Variants in ACTR3B observed in about 807,000 individuals in gnomAD.
ACTR3B encodes the protein actin-related protein 3B.
Under a neutral mutation model 59.0 loss-of-function variants are expected in ACTR3B, and 8 were observed. The ratio of observed to expected loss-of-function variants is 0.14; its 90% CI spans 0.08 to 0.24. The LOEUF (loss-of-function observed/expected upper bound fraction) is 0.24. Ranked by LOEUF, ACTR3B falls within the 10% of genes least tolerant of loss-of-function variation. The pLI, the probability that ACTR3B is intolerant of heterozygous loss-of-function variation, is 1.00. For synonymous variants in ACTR3B, 148 were observed against 197.9 expected (o/e 0.75, Z 2.12); for missense variants, 245 against 552.3 (o/e 0.44, Z 5.58).
chr7:152,839,189 G>A (rs1008325744), intron 9 of ACTR3B, among the ~76,000 whole-genome samples: 4 of 146,440 alleles, frequency 2.7e-5, no homozygotes, highest in Non-Finnish European at 5.9e-5. Context: ...GGTGGGGTCC[G>A]AATTCTGTGT....
rs185976110 is a variant in ACTR3B, at chr7:152,829,091, T to C, written c.951+3969T>C. Among the ~76,000 whole-genome samples, 1,512 of 151,998 alleles carry C rather than the reference T, an allele frequency of 9.9e-3. 13 individuals carry two copies. The highest frequency in any genetic ancestry group is 0.015 in the Non-Finnish European group (988 of 67,994). On this transcript the variant is annotated intron_variant, in intron 9 of 11. Transcript: ENST00000256001. ...ACACACACATCAAGAGCAGGAAAAT[T>C]GTGCATATTTAAGGTGCACAGTGTG... is the stretch of plus-strand genomic sequence containing the variant.
intron 9 of ACTR3B, among the ~76,000 whole-genome samples, chr7:152,844,300 C>T (rs1405133499): frequency 1.1e-4 from 16 of 152,066 alleles, no homozygotes; most frequent in African/African-American, 2.9e-4. Flanking sequence ...TCAGGTGATC[C>T]GCCTGCCTCG....
At chr7:152,773,231 CTA>C (rs1269820528) in intron 1 of ACTR3B, among the ~76,000 whole-genome samples, 6 of 150,762 alleles carry the variant, frequency 4.0e-5, no homozygotes, top group Non-Finnish European at 8.9e-5. Flanking sequence ...TAAACAAAAA[CTA>C]TGGTAGTTAC....
intron 9 of ACTR3B, among the ~76,000 whole-genome samples, chr7:152,831,319 G>A (rs1797009256): frequency 1.3e-5 from 2 of 152,320 alleles, no homozygotes; most frequent in South Asian, 2.1e-4. Flanking sequence ...CCTGCAGAGC[G>A]CCAGGTCCCA....
intron 1 of ACTR3B, among the ~76,000 whole-genome samples, chr7:152,767,037 C>G (rs1431423452): frequency 6.6e-6 from 1 of 150,944 alleles, no homozygotes; most frequent in Non-Finnish European, 1.5e-5. Context: ...ATCCACCTGC[C>G]TCGGCCTCCC....
Position 152,799,993 on chromosome 7 carries a change from T to G in ACTR3B, c.101-538T>G, listed in dbSNP as rs2098229683. Among the ~76,000 whole-genome samples the G allele has an allele frequency of 3.3e-5, 5 of 152,246 alleles. No homozygotes were observed. In the South Asian group the frequency reaches 1.0e-3, roughly 31 times the overall value. Reference sequence around the variant, plus strand: ...ATAGTTATTTGATTATGGTACTTTTTTTGGCTACAGATATTAACCAATAAC... The same window carrying G: ...ATAGTTATTTGATTATGGTACTTTTGTTGGCTACAGATATTAACCAATAAC... On this transcript the variant is annotated intron_variant, in intron 2 of 11. Transcript: ENST00000256001.
chr7:152,835,671 G>A (rs374479789), intron 9 of ACTR3B, among the ~76,000 whole-genome samples: 131 of 151,776 alleles, frequency 8.6e-4, no homozygotes, highest in Non-Finnish European at 1.3e-3. Flanking sequence ...AATAAATGCC[G>A]TCTTCTAGTG....
At chr7:152,826,117 C>T (rs941219566) in intron 9 of ACTR3B, among the ~76,000 whole-genome samples, 2 of 152,158 alleles carry the variant, frequency 1.3e-5, no homozygotes, top group Non-Finnish European at 2.9e-5. Flanking sequence ...TCAGGCTCAA[C>T]TGACAGCACT....
chr7:152,795,295 A>C (rs2462102), intron 2 of ACTR3B, among the ~76,000 whole-genome samples: 2 of 152,050 alleles, frequency 1.3e-5, no homozygotes, highest in African/African-American at 2.4e-5. Context: ...GATCTGCCCA[A>C]CTTGGCCTCC....
intron 9 of ACTR3B, among the ~76,000 whole-genome samples, chr7:152,836,467 G>T (rs1283224520): frequency 6.6e-6 from 1 of 152,006 alleles, no homozygotes; most frequent in Non-Finnish European, 1.5e-5. Context: ...CGCACCTGTG[G>T]TCCCAGCTAC....
At chr7:152,843,417 T>C (rs1165202974) in intron 9 of ACTR3B, among the ~76,000 whole-genome samples, 3 of 152,252 alleles carry the variant, frequency 2.0e-5, no homozygotes, top group Non-Finnish European at 2.9e-5. Flanking sequence ...TATCAATTAT[T>C]CCCACATCAT....
intron 5 of ACTR3B, among the ~76,000 whole-genome samples, chr7:152,815,088 T>C (rs1029034160): frequency 2.0e-5 from 3 of 151,782 alleles, no homozygotes; most frequent in Admixed American, 6.6e-5. Context: ...GCTGCGGTTC[T>C]TGGTGTGATA....
chr7:152,797,956 T>C (rs903134404), intron 2 of ACTR3B, among the ~76,000 whole-genome samples: 3 of 152,210 alleles, frequency 2.0e-5, no homozygotes, highest in South Asian at 2.1e-4. Flanking sequence ...CGTAGGTTGA[T>C]TCCAGATCTT....
chr7:152,821,181 G>A (rs1008275491), intron 7 of ACTR3B, among the ~76,000 whole-genome samples: 3 of 152,056 alleles, frequency 2.0e-5, no homozygotes, highest in Non-Finnish European at 4.4e-5. Context: ...CCATCTCAGG[G>A]GAAGGTTTCC....
In ACTR3B at chr7:152,854,494, T is replaced by C; in HGVS notation, c.1198T>C (p.Tyr400His). ...FFQVCHTKKDYEEYGPSICRH... is the reference protein window; with the variant it reads ...FFQVCHTKKDHEEYGPSICRH... ...TCAGGTCTGCCACACCAAGAAGGAC[T>C]ATGAAGAGTACGGGCCCAGCATCTG... The change falls in exon 12 of 12, where the codon TAT becomes CAT. Residue 400 changes from tyrosine to histidine, a missense_variant. Physicochemically the swap from Tyr to His is moderately conservative, Grantham distance 83 (BLOSUM62 2). Transcript: ENST00000256001. The surrounding 1 kb of genome is among the most constrained non-coding windows in gnomAD (Gnocchi z 4.9). 1 of 1,614,142 alleles carries C rather than the reference T, an allele frequency of 6.2e-7. No individual in the cohort carries two copies. Among genetic ancestry groups the C allele is most frequent in the Non-Finnish European group, 8.5e-7 (1 of 1,180,032 alleles).
chr7:152,800,054 C>T (rs923618861), intron 2 of ACTR3B, among the ~76,000 whole-genome samples: 13 of 152,200 alleles, frequency 8.5e-5, no homozygotes, highest in African/African-American at 2.6e-4. Flanking sequence ...TAAATTTTAA[C>T]GGTTTTTTTT....
In ACTR3B at chr7:152,815,945, T is replaced by C. The variant is rs1795655742; in HGVS notation, c.433-536T>C. Among the ~76,000 whole-genome samples, 3 of 152,226 alleles carry C rather than the reference T, an allele frequency of 2.0e-5. No homozygotes were observed. In the South Asian group the frequency reaches 6.2e-4, roughly 32 times the overall value. ...TTGTAAAACTTTAGTTTTTTTTTTT[T>C]CTTTCCTTTTTTTATTTTTGAGACA... On this transcript the variant is annotated intron_variant, in intron 5 of 11. Coordinates refer to ENST00000256001, the MANE Select transcript of ACTR3B (RefSeq NM_020445.6).
At chr7:152,777,624 C>T (rs7796837) in intron 1 of ACTR3B, among the ~76,000 whole-genome samples, 69,928 of 150,856 alleles carry the variant, frequency 0.46, 16,812 homozygotes, top group Non-Finnish European at 0.51. Context: ...TTCACTTAAT[C>T]TCCTTAGTTA....
chr7:152,809,544 T>C (rs1277308389), intron 4 of ACTR3B, among the ~76,000 whole-genome samples: 7 of 151,858 alleles, frequency 4.6e-5, no homozygotes, highest in Admixed American at 4.6e-4. Flanking sequence ...TTTCTTTTTT[T>C]TTTTTGTTTT....
Sources: gnomAD v4.1 joint callset for allele counts (sites outside exome capture counted in the v4.1 genomes callset) on GRCh38, gnomAD v4.1.1 for gene constraint, Gnocchi (gnomAD v3.1) non-coding constraint, MANE v1.5 for transcripts, NCBI Gene and HGNC (gene_info 2026-07-23, HGNC 2026-07-21) for gene names.